PROS1: variants seen among roughly 807,000 people sequenced by gnomAD.
PROS1 encodes protein S, also known as vitamin K-dependent protein S.
A neutral mutation model predicts 75.9 loss-of-function variants in PROS1; 29 were observed. The ratio of observed to expected loss-of-function variants is 0.38; its 90% confidence interval spans 0.28 to 0.52. The LOEUF (loss-of-function observed/expected upper bound fraction) is 0.52, where lower values mean the gene tolerates loss of function less well. PROS1 is among the 20% of genes least tolerant of loss of function. The pLI, the probability that PROS1 is intolerant of heterozygous loss-of-function variation, is 0.83. For missense variants in PROS1, 680 were observed against 810.3 expected (o/e 0.84, Z 1.95); for synonymous variants, 245 against 280.6 (o/e 0.87, Z 1.27).
chr3:93,906,201 T>A, intron 4 of PROS1, 58 bp from the exon 5 acceptor site: 1 of 1,582,638 alleles, frequency 6.3e-7, no homozygotes, highest in Non-Finnish European at 8.6e-7. Flanking sequence ...AAAATAAAAT[T>A]GTGTGTACTA....
rs534427610 is a variant in PROS1 at position 93,897,672 on chromosome 3, G to C, written c.849+776C>G. ...CAGCTTTGTTTTGGCAACAGCTATA[G>C]AGGTATGTATGTATACTTAGTTAAA... On this transcript the variant is annotated intron_variant, in intron 8 of 14. Transcript: ENST00000394236. 3.9e-5 allele frequency among the ~76,000 whole-genome samples: 6 copies of C among 152,112 alleles called. No individual in the cohort carries two copies. In the South Asian group the frequency reaches 1.0e-3, roughly 26 times the overall value.
chr3:93,958,007 GAACCCAGGA>G, intron 1 of PROS1, among the ~76,000 whole-genome samples: 1 of 152,118 alleles, frequency 6.6e-6, no homozygotes, highest in East Asian at 1.9e-4. Context: ...AGAATCACTT[GAACCCAGGA>G]AGCGGAGGTT....
chr3:93,892,482 G>GATTCTACCCTA (rs1708444749), intron 10 of PROS1, among the ~76,000 whole-genome samples: 2 of 151,712 alleles, frequency 1.3e-5, no homozygotes, highest in East Asian at 3.9e-4. Flanking sequence ...AAATTAGCCG[G>GATTCTACCCTA]GCATGGTGGC....
intron 1 of PROS1, among the ~76,000 whole-genome samples, chr3:93,934,959 C>A (rs1268711578): frequency 6.6e-6 from 1 of 151,734 alleles, no homozygotes; most frequent in African/African-American, 2.4e-5. Context: ...GTCACTCTGG[C>A]GTTGTTTCCA....
At chr3:93,921,449 A>C (rs1354828444) in intron 3 of PROS1, among the ~76,000 whole-genome samples, 1 of 152,220 alleles carries the variant, frequency 6.6e-6, no homozygotes, top group African/African-American at 2.4e-5. Flanking sequence ...TTAATAAGGG[A>C]AACATTAACA....
chr3:93,942,043 G>A (rs1471547302), intron 1 of PROS1, among the ~76,000 whole-genome samples: 1 of 151,934 alleles, frequency 6.6e-6, no homozygotes, highest in Non-Finnish European at 1.5e-5. Flanking sequence ...TGATCCACTT[G>A]ACATTCATTC....
intron 1 of PROS1, among the ~76,000 whole-genome samples, chr3:93,932,079 T>C (rs1014032076): frequency 2.0e-5 from 3 of 152,230 alleles, no homozygotes; most frequent in African/African-American, 7.2e-5. Flanking sequence ...GGGTTTGAAG[T>C]GCTTTCAGCA....
intron 1 of PROS1, among the ~76,000 whole-genome samples, chr3:93,959,057 T>C (rs1050139932): frequency 2.0e-4 from 31 of 152,308 alleles, no homozygotes; most frequent in African/African-American, 7.0e-4. Context: ...AATGCCACTT[T>C]TACTGGGTGC....
intron 6 of PROS1, among the ~76,000 whole-genome samples, chr3:93,904,048 G>A (rs968433904): frequency 4.9e-5 from 7 of 143,516 alleles, no homozygotes; most frequent in Non-Finnish European, 8.9e-5. Context: ...TCCCACCTAT[G>A]AGTGAGAATA....
chr3:93,953,149 T>C (rs1709534355), intron 1 of PROS1, among the ~76,000 whole-genome samples: 2 of 151,856 alleles, frequency 1.3e-5, no homozygotes, highest in Non-Finnish European at 1.5e-5. Flanking sequence ...CTACCAGACA[T>C]AAAAAGAGTT....
intron 1 of PROS1, among the ~76,000 whole-genome samples, chr3:93,954,559 T>C (rs553551922): frequency 6.6e-5 from 10 of 152,236 alleles, no homozygotes; most frequent in South Asian, 2.1e-4. Flanking sequence ...TCCTTACACC[T>C]TATACAAAAA....
intron 1 of PROS1, among the ~76,000 whole-genome samples, chr3:93,937,908 A>C (rs545057044): frequency 6.6e-6 from 1 of 152,316 alleles, no homozygotes; most frequent in East Asian, 1.9e-4. Context: ...TGAAAGGAAG[A>C]ACCCTTTTGC....
intron 10 of PROS1, 24 bp from the exon 11 acceptor site, chr3:93,886,527 C>A: frequency 6.5e-7 from 1 of 1,549,708 alleles, no homozygotes; most frequent in Non-Finnish European, 8.9e-7. Flanking sequence ...GAAAAATTAC[C>A]AAATAACCAA....
At chr3:93,956,038 A>G (rs536907819) in intron 1 of PROS1, among the ~76,000 whole-genome samples, 114 of 152,342 alleles carry the variant, frequency 7.5e-4, no homozygotes, top group African/African-American at 2.7e-3. Flanking sequence ...AATAGACTGA[A>G]TTATAATCAG....
chr3:93,900,984 C>T, intron 6 of PROS1, 55 bp from the exon 7 acceptor site: 28 of 1,572,686 alleles, frequency 1.8e-5, no homozygotes, highest in Non-Finnish European at 2.4e-5. Flanking sequence ...GCAGACACTA[C>T]CAAAGAACCC....
intron 13 of PROS1, 94 bp downstream of exon 13, chr3:93,879,069 C>T: frequency 7.9e-7 from 1 of 1,269,458 alleles, no homozygotes; most frequent in Admixed American, 2.1e-5. Context: ...TTTATTTAAT[C>T]TTCAAAATAG....
At chr3:93,901,811 T>C (rs1226288911) in intron 6 of PROS1, among the ~76,000 whole-genome samples, 1 of 152,212 alleles carries the variant, frequency 6.6e-6, no homozygotes, top group Non-Finnish European at 1.5e-5. Flanking sequence ...AATTGTACTA[T>C]CATTTTGTAA....
chr3:93,882,066 A>T (rs1456814081), intron 12 of PROS1, among the ~76,000 whole-genome samples: 1 of 152,180 alleles, frequency 6.6e-6, no homozygotes, highest in Non-Finnish European at 1.5e-5. Context: ...ATTCAAGTTC[A>T]GTAGAAATTA....
At chr3:93,911,614 G>A (rs1449576495) in intron 3 of PROS1, among the ~76,000 whole-genome samples, 2 of 152,152 alleles carry the variant, frequency 1.3e-5, no homozygotes, top group African/African-American at 4.8e-5. Context: ...GCAGGGGACT[G>A]CTTCCAAGAT....
Sources: allele counts gnomAD v4.1 joint callset (sites outside exome capture counted in the v4.1 genomes callset), GRCh38; gene constraint gnomAD v4.1.1; transcripts MANE v1.5; gene names NCBI Gene and HGNC (gene_info 2026-07-23, HGNC 2026-07-21).